Variants in CARM1 observed in about 807,000 individuals in gnomAD.
The protein encoded by CARM1 is histone-arginine methyltransferase CARM1.
In CARM1, 14 loss-of-function variants were observed where a neutral mutation model predicts 72.7. The ratio of observed to expected loss-of-function variants is 0.19; its 90% CI spans 0.13 to 0.30. The LOEUF is 0.30. Among genes scored for constraint, CARM1 ranks in the 10% least tolerant of loss-of-function variants. The pLI is 1.00. For synonymous variants in CARM1, 333 were observed against 345.5 expected (o/e 0.96, Z 0.40); for missense variants, 432 against 833.7 (o/e 0.52, Z 5.93).
At chr19:10,873,806 A>AT (rs1351744550) in intron 1 of CARM1, among the ~76,000 whole-genome samples, 2 of 151,006 alleles carry the variant, frequency 1.3e-5, no homozygotes, top group Non-Finnish European at 3.0e-5. Context: ...TGCCCGGCTA[A>AT]TTTTTTGTGT....
intron 2 of CARM1, 115 bp from the exon 3 acceptor site, chr19:10,907,924 C>T: frequency 1.5e-6 from 1 of 675,840 alleles, no homozygotes. Flanking sequence ...AATCACCAGC[C>T]CTGTATGTTC....
chr19:10,884,298 A>C (rs2073924454), intron 1 of CARM1, among the ~76,000 whole-genome samples: 1 of 150,964 alleles, frequency 6.6e-6, no homozygotes. Flanking sequence ...CACAGATCAC[A>C]CAACTGCACT....
chr19:10,892,132 T>C (rs2073992845), intron 1 of CARM1, among the ~76,000 whole-genome samples: 1 of 152,262 alleles, frequency 6.6e-6, no homozygotes, highest in African/African-American at 2.4e-5. Flanking sequence ...AATTGATCTC[T>C]TTTAATTTGC....
rs1003064161 is a variant in CARM1 at position 10,921,918 on chromosome 19, C to T, written c.*161C>T. 31 of 660,510 alleles carry T rather than the reference C, an allele frequency of 4.7e-5. 1 individual carries two copies. Among genetic ancestry groups the T allele is most frequent in the South Asian group, 1.4e-4 (7 of 49,092 alleles). 40.9% of individuals were successfully genotyped at this position (660,510 alleles called of 1,614,324 possible). A position where few individuals can be genotyped will look rare whatever the true frequency, so the allele number is the denominator to read the frequency against. On this transcript the variant is annotated 3_prime_UTR_variant, in exon 16 of 16. Transcript: ENST00000327064. ...ACACTTTTTTACACGATGTTGCCGC[C>T]GTCCCCACCCTAACCCCCACCTCCC...
chr19:10,893,420 C>T (rs928316075), intron 1 of CARM1, among the ~76,000 whole-genome samples: 3 of 152,084 alleles, frequency 2.0e-5, no homozygotes, highest in Admixed American at 2.0e-4. Flanking sequence ...CTCACTGCAA[C>T]CTCCACCTCC....
chr19:10,883,383 T>C (rs1268433757), intron 1 of CARM1, among the ~76,000 whole-genome samples: 1 of 151,808 alleles, frequency 6.6e-6, no homozygotes, highest in Admixed American at 6.6e-5. Flanking sequence ...CTTTCCCCGG[T>C]GTAGTTTATC....
At chr19:10,873,195 C>T (rs894781683) in intron 1 of CARM1, among the ~76,000 whole-genome samples, 1 of 152,126 alleles carries the variant, frequency 6.6e-6, no homozygotes, top group Non-Finnish European at 1.5e-5. Context: ...CATTGGTAGC[C>T]AACTTTGTCC....
intron 1 of CARM1, among the ~76,000 whole-genome samples, chr19:10,894,317 G>A (rs553588287): frequency 6.6e-6 from 1 of 152,318 alleles, no homozygotes; most frequent in South Asian, 2.1e-4. Flanking sequence ...CATGTGGTCC[G>A]GGCAGAGCAG....
rs569608598 is a variant in CARM1, at chr19:10,912,161, C to T, written c.559-23C>T. 3 of 1,590,502 alleles carry T rather than the reference C, an allele frequency of 1.9e-6. No homozygotes were observed. The South Asian group carries it at 3.3e-5, about 18-fold the overall frequency. On this transcript the variant is annotated intron_variant, in intron 4 of 15. Coordinates refer to ENST00000327064, the MANE Select transcript of CARM1 (RefSeq NM_199141.2). This position sits in a 1 kb window ranked among gnomAD's most constrained non-coding sequence, Gnocchi z 4.5. Reference sequence around the variant, plus strand: ...TCACCGTCGCCTCCTATGTCTCGCTCTCACCTCCCACTCCTCCCTCAGATC... The same window carrying T: ...TCACCGTCGCCTCCTATGTCTCGCTTTCACCTCCCACTCCTCCCTCAGATC...
chr19:10,876,406 C>T (rs1040123938), intron 1 of CARM1, among the ~76,000 whole-genome samples: 3 of 152,174 alleles, frequency 2.0e-5, no homozygotes, highest in Non-Finnish European at 4.4e-5. Context: ...TAGGAGGAGC[C>T]CCCTATGCTC....
chr19:10,920,850 C>T lies in CARM1; in HGVS notation c.1441C>T (p.Pro481Ser), dbSNP rs747883275. The T allele has an allele frequency of 6.2e-7, 1 of 1,614,204 alleles. No individual in the cohort carries two copies. The part of the protein sequence containing the change: ...NPFFRYTGTT[P>S]SPPPGSHYTS... ...CTGCCATAGATACACGGGCACAACG[C>T]CCTCACCCCCACCCGGCTCCCACTA... The change falls in exon 13 of 16, where the codon CCC (proline) becomes TCC (serine). Residue 481 changes from proline (P) to serine (S), a missense_variant. By Grantham distance (74) the Pro-to-Ser change is moderately conservative (BLOSUM62 -1). This residue lies in a region of CARM1 where 142 missense variants were observed against 188.7 expected (regional missense o/e 0.75). Coordinates refer to ENST00000327064, the MANE Select transcript of CARM1 (RefSeq NM_199141.2). This position sits in a 1 kb window ranked among gnomAD's most constrained non-coding sequence, Gnocchi z 5.3.
intron 1 of CARM1, among the ~76,000 whole-genome samples, chr19:10,897,580 G>A (rs1440508497): frequency 6.6e-6 from 1 of 152,236 alleles, no homozygotes; most frequent in Non-Finnish European, 1.5e-5. Flanking sequence ...CCCCAGGCTG[G>A]GTCCAGGGGT....
In CARM1 at chr19:10,916,594, A is replaced by G; in HGVS notation, c.938+97A>G. On this transcript the variant is annotated intron_variant, in intron 7 of 15. Coordinates refer to ENST00000327064, the MANE Select transcript of CARM1 (RefSeq NM_199141.2). The surrounding 1 kb of genome is among the most constrained non-coding windows in gnomAD (Gnocchi z 4.4). ...GAGCCTGCACTCCTCTTTTTCTGAA[A>G]GACTTGGGCTAGATGAGGGCTGACT... The G allele has an allele frequency of 7.2e-7, 1 of 1,398,574 alleles. No homozygotes were observed. The highest frequency in any genetic ancestry group is 1.2e-5 in the South Asian group (1 of 82,654). 86.6% of individuals were successfully genotyped at this position (1,398,574 alleles called of 1,614,324 possible). A position where few individuals can be genotyped will look rare whatever the true frequency, so the allele number is the denominator to read the frequency against.
At chr19:10,900,059 A>C (rs2074053092) in intron 1 of CARM1, among the ~76,000 whole-genome samples, 1 of 152,122 alleles carries the variant, frequency 6.6e-6, no homozygotes, top group South Asian at 2.1e-4. Flanking sequence ...CTGTAATCCC[A>C]GCACTTTGGA....
chr19:10,904,952 TGAA>T lies in CARM1; in HGVS notation c.225_227del (p.Glu75del), dbSNP rs1439880032. 6.2e-7 allele frequency: 1 copy of T among 1,614,036 alleles called. No individual in the cohort carries two copies. Among genetic ancestry groups the T allele is most frequent in the Non-Finnish European group, 8.5e-7 (1 of 1,179,966 alleles). On this transcript the variant is annotated inframe_deletion and splice_region_variant, in exon 2 of 16. Coordinates refer to ENST00000327064, the MANE Select transcript of CARM1 (RefSeq NM_199141.2). ...ACGCCAGCCTGTCTTCTCTCGTAGA[TGAA>T]GATGTGTGTGTCTTTAAGTGCTCAG...
rs749902688 is a variant in CARM1, at chr19:10,919,811, A to T, written c.1107-66A>T. 1.1e-5 allele frequency: 16 copies of T among 1,488,388 alleles called. No homozygotes were observed. In the South Asian group the frequency reaches 1.7e-4, roughly 16 times the overall value. The allele number at this position is 1,488,388 out of a possible 1,614,324, so 92.2% of individuals were successfully genotyped here. A position where few individuals can be genotyped will look rare whatever the true frequency, so the allele number is the denominator to read the frequency against. On this transcript the variant is annotated intron_variant, in intron 9 of 15. Transcript: ENST00000327064. ...GGGGCCCCAGGCCTCTGCACCTGGC[A>T]CCCCCTCTTCTCTCTCGGCAGCGCC...
chr19:10,872,285 G>A (rs2073824833), intron 1 of CARM1, among the ~76,000 whole-genome samples: 3 of 151,286 alleles, frequency 2.0e-5, no homozygotes, highest in Admixed American at 1.3e-4. Flanking sequence ...GAGGTCCGGG[G>A]TGCGGGAGAG....
intron 3 of CARM1, 46 bp from the exon 4 acceptor site, chr19:10,909,057 C>T (rs758154856): frequency 9.5e-6 from 14 of 1,471,428 alleles, no homozygotes; most frequent in Non-Finnish European, 1.1e-5. Flanking sequence ...CCTTGGCTGC[C>T]TCGTGCCACC....
In CARM1 at chr19:10,920,108, G is replaced by A. The variant is rs897881173; in HGVS notation, c.1196+142G>A. On this transcript the variant is annotated intron_variant, in intron 10 of 15. Coordinates refer to ENST00000327064, the MANE Select transcript of CARM1 (RefSeq NM_199141.2). The surrounding 1 kb of genome is among the most constrained non-coding windows in gnomAD (Gnocchi z 5.3). ...AGTGAGAGCCTGTCTCGGAGCAAGA[G>A]ACTGTTGTGGGTGGGGTGTGTGTGT... 33 of 694,412 alleles carry A rather than the reference G, an allele frequency of 4.8e-5. No homozygotes were observed. Among genetic ancestry groups the A allele is most frequent in the Non-Finnish European group, 7.5e-5 (30 of 400,806 alleles). The allele number at this position is 694,412 out of a possible 1,614,324, so 43.0% of individuals were successfully genotyped here.
Sources: gnomAD v4.1 joint callset for allele counts (sites outside exome capture counted in the v4.1 genomes callset) on GRCh38, gnomAD v4.1.1 for gene constraint, gnomAD v4.1.1 regional missense constraint, Gnocchi (gnomAD v3.1) non-coding constraint, MANE v1.5 for transcripts, NCBI Gene and HGNC (gene_info 2026-07-23, HGNC 2026-07-21) for gene names.